The following CACNA2D2 variants were observed in gnomAD, a reference collection of about 807,000 sequenced individuals.
CACNA2D2 encodes the protein voltage-dependent calcium channel subunit alpha-2/delta-2.
In CACNA2D2, 48 loss-of-function variants were observed where a neutral mutation model predicts 166.4. The ratio of observed to expected loss-of-function variants is 0.29; its 90% CI spans 0.23 to 0.37. CACNA2D2 has a LOEUF of 0.37. Among genes scored for constraint, CACNA2D2 ranks in the 10% least tolerant of loss-of-function variants. The pLI is 1.00. For missense variants in CACNA2D2, 1,122 were observed against 1,433.0 expected (o/e 0.78, Z 3.50); for synonymous variants, 561 against 573.7 (o/e 0.98, Z 0.32).
In CACNA2D2 at chr3:50,365,663, C is replaced by T. The variant is rs1704219538; in HGVS notation, c.2941G>A (p.Gly981Ser). ...TGGAACCAGCTGTGGTAGATGAGGC[C>T]GTAGAGAAGCTGCTGGAACAGGGAC... ...AWSLFQQLLYGLIYHSWFQAD... is the reference protein window; with the variant it reads ...AWSLFQQLLYSLIYHSWFQAD... Residue 981 changes from glycine (G) to serine (S), a missense_variant, in exon 34 of 38, where the codon GGC becomes AGC. Transcript: ENST00000424201. The surrounding 1 kb of genome is among the most constrained non-coding windows in gnomAD (Gnocchi z 4.5). 1 of 1,583,256 alleles carries T rather than the reference C, an allele frequency of 6.3e-7. No homozygotes were observed. The highest frequency in any genetic ancestry group is 1.9e-5 in the Admixed American group (1 of 53,962).
intron 16 of CACNA2D2, 65 bp downstream of exon 16, chr3:50,377,667 C>A: frequency 6.4e-7 from 1 of 1,571,578 alleles, no homozygotes; most frequent in Non-Finnish European, 8.7e-7. Flanking sequence ...CACCCTCAGA[C>A]CTGCTGTGGG....
At chr3:50,475,171 C>T (rs746905745) in intron 2 of CACNA2D2, among the ~76,000 whole-genome samples, 1 of 152,140 alleles carries the variant, frequency 6.6e-6, no homozygotes, top group Non-Finnish European at 1.5e-5. Flanking sequence ...AGGACAACCC[C>T]TACGGTCCCT....
chr3:50,437,017 C>T (rs1456514753), intron 2 of CACNA2D2, among the ~76,000 whole-genome samples: 1 of 152,232 alleles, frequency 6.6e-6, no homozygotes, highest in Non-Finnish European at 1.5e-5. Context: ...TCCCAAGCAC[C>T]ATGTCTGTGT....
Position 50,436,684 on chromosome 3 carries a change from C to T in CACNA2D2, c.289-2255G>A, listed in dbSNP as rs146035953. On this transcript the variant is annotated intron_variant, in intron 2 of 37. Transcript: ENST00000424201. The stretch of plus-strand genomic sequence containing the variant: ...CCTTGAGCAGCCTGTGCTGTTGTTA[C>T]GGCTATTAGTTTGGGATCACCAGAA... Among the ~76,000 whole-genome samples, 503 of 152,352 alleles carry T rather than the reference C, an allele frequency of 3.3e-3. 2 individuals carry two copies. Among genetic ancestry groups the T allele is most frequent in the African/African-American group, 0.012 (487 of 41,578 alleles).
Position 50,375,027 on chromosome 3 carries a change from G to A in CACNA2D2, c.1908-214C>T, listed in dbSNP as rs755285266. On this transcript the variant is annotated intron_variant, in intron 21 of 37. Transcript: ENST00000424201. This position sits in a 1 kb window ranked among gnomAD's most constrained non-coding sequence, Gnocchi z 4.0. ...TTCTCAAACTCTCCTGGGGGCCACCGGGCAACCAGCCCCAAAGCAAATCCC... is the reference window on the plus strand; with the variant it reads ...TTCTCAAACTCTCCTGGGGGCCACCAGGCAACCAGCCCCAAAGCAAATCCC... 4.6e-5 allele frequency among the ~76,000 whole-genome samples: 7 copies of A among 152,082 alleles called. No homozygotes were observed. The highest frequency in any genetic ancestry group is 8.8e-5 in the Non-Finnish European group (6 of 68,008).
chr3:50,496,348 C>A (rs1698724080), intron 1 of CACNA2D2, among the ~76,000 whole-genome samples: 1 of 152,274 alleles, frequency 6.6e-6, no homozygotes, highest in Admixed American at 6.5e-5. Flanking sequence ...CACACGCACA[C>A]AAGTGGGTAT....
At position 50,503,254 on chromosome 3, in the gene CACNA2D2, G is replaced by C. The variant is rs1433012593; in HGVS notation, c.170C>G (p.Pro57Arg). 3 of 1,194,068 alleles carry C rather than the reference G, an allele frequency of 2.5e-6. No individual in the cohort carries two copies. The highest frequency in any genetic ancestry group is 3.1e-6 in the Non-Finnish European group (3 of 962,636). The allele number at this position is 1,194,068 out of a possible 1,614,324, so 74.0% of individuals were successfully genotyped here. A position where few individuals can be genotyped will look rare whatever the true frequency, so the allele number is the denominator to read the frequency against. Residue 57 changes from proline (P) to arginine (R), a missense_variant, in exon 1 of 38, where the codon CCC (proline) becomes CGC (arginine). Physicochemically the swap from Pro to Arg is moderately radical, Grantham distance 103. This residue lies in a region of CACNA2D2 where 840 missense variants were observed against 1,166.8 expected (regional missense o/e 0.72). Coordinates refer to ENST00000424201, the MANE Select transcript of CACNA2D2 (RefSeq NM_006030.4). ...GGGGAAGCTGTAGGCAGAGGCGCCG[G>C]GGGCGGCGAGCAGCGGTAGAAGCGG... is the stretch of plus-strand genomic sequence containing the variant. ...LLPLLPLLAA[P>R]GASAYSFPQQ...
chr3:50,368,525 T>G (rs1210035203), intron 23 of CACNA2D2, among the ~76,000 whole-genome samples: 2 of 152,158 alleles, frequency 1.3e-5, no homozygotes, highest in Admixed American at 6.5e-5. Context: ...TGGACCCAGA[T>G]AGTGCACCTG....
intron 3 of CACNA2D2, among the ~76,000 whole-genome samples, chr3:50,399,193 T>C (rs1411291789): frequency 1.3e-5 from 2 of 152,198 alleles, no homozygotes; most frequent in African/African-American, 2.4e-5. Flanking sequence ...CACTTCTCCT[T>C]GGCCTCCTCT....
chr3:50,458,461 G>T (rs901679383), intron 2 of CACNA2D2, among the ~76,000 whole-genome samples: 3 of 152,180 alleles, frequency 2.0e-5, no homozygotes. Context: ...TCATGTGGAG[G>T]GTCAGGTGTA....
chr3:50,422,796 C>T (rs1276891620), intron 3 of CACNA2D2, among the ~76,000 whole-genome samples: 1 of 152,216 alleles, frequency 6.6e-6, no homozygotes, highest in Non-Finnish European at 1.5e-5. Context: ...CATCCAGTTG[C>T]CTGATCCATG....
Position 50,368,249 on chromosome 3 carries a change from G to A in CACNA2D2, c.2046-14C>T. On this transcript the variant is annotated splice_polypyrimidine_tract_variant and intron_variant, in intron 23 of 37. Transcript: ENST00000424201. ...TTGCAGTACTCTCTAGGGATGGGGA[G>A]GGGCAAGAAGAGTGGGCTTGGGGGG... The A allele has an allele frequency of 6.5e-7, 1 of 1,550,358 alleles. No individual in the cohort carries two copies. The highest frequency in any genetic ancestry group is 8.9e-7 in the Non-Finnish European group (1 of 1,121,986).
chr3:50,379,738 A>C lies in CACNA2D2; in HGVS notation c.980T>G (p.Val327Gly). ...MLDTLSDDDY[V>G]NVASFNEKAQ... is the part of the protein sequence containing the mutation. ...CTTGGCACTCACCGAGGCCACATTC[A>C]CATAGTCATCATCAGACAGCGTGTC... Residue 327 changes from valine to glycine, a missense_variant, in exon 10 of 38, where the codon GTG (valine) becomes GGG (glycine). Val to Gly is a moderately radical substitution (Grantham distance 109). Around this residue, in one of 2 missense-constraint regions of CACNA2D2, gnomAD observed 840 missense variants for 1,166.8 expected, o/e 0.72. Transcript: ENST00000424201. This position sits in a 1 kb window ranked among gnomAD's most constrained non-coding sequence, Gnocchi z 6.5. 1 of 1,613,874 alleles carries C rather than the reference A, an allele frequency of 6.2e-7. No individual in the cohort carries two copies. The highest frequency in any genetic ancestry group is 8.5e-7 in the Non-Finnish European group (1 of 1,180,028).
chr3:50,365,943 AG>A lies in CACNA2D2; in HGVS notation c.2862+67del. The A allele has an allele frequency of 6.2e-7, 1 of 1,611,198 alleles. No individual in the cohort carries two copies. Among genetic ancestry groups the A allele is most frequent in the Non-Finnish European group, 8.5e-7 (1 of 1,178,628 alleles). ...CCCAGCTTTATCAAATGTCAGAGGT[AG>A]GGGGTCATCTGTGGGCAGGTCTCCC... is the stretch of plus-strand genomic sequence containing the variant. On this transcript the variant is annotated intron_variant, in intron 32 of 37. Coordinates refer to ENST00000424201, the MANE Select transcript of CACNA2D2 (RefSeq NM_006030.4). The surrounding 1 kb of genome is among the most constrained non-coding windows in gnomAD (Gnocchi z 4.5).
chr3:50,376,849 C>T lies in CACNA2D2; in HGVS notation c.1626+618G>A, dbSNP rs903950040. ...AAGATGCAGACTCCCTGACCGCAGG[C>T]GCTGGGCCAGCCACAATGCCATCTT... is the stretch of plus-strand genomic sequence containing the variant. On this transcript the variant is annotated intron_variant, in intron 17 of 37. Coordinates refer to ENST00000424201, the MANE Select transcript of CACNA2D2 (RefSeq NM_006030.4). The surrounding 1 kb of genome is among the most constrained non-coding windows in gnomAD (Gnocchi z 4.3). Among the ~76,000 whole-genome samples, 4 of 152,220 alleles carry T rather than the reference C, an allele frequency of 2.6e-5. No individual in the cohort carries two copies. The highest frequency in any genetic ancestry group is 7.2e-5 in the African/African-American group (3 of 41,462).
chr3:50,397,908 GC>G (rs1706239303), intron 3 of CACNA2D2, among the ~76,000 whole-genome samples: 2 of 152,202 alleles, frequency 1.3e-5, no homozygotes, highest in Non-Finnish European at 2.9e-5. Context: ...CCTGGCCCAG[GC>G]TGAGCACCCA....
chr3:50,365,865 G>C lies in CACNA2D2; in HGVS notation c.2863-3C>G, dbSNP rs1324715485. The C allele has an allele frequency of 6.2e-7, 1 of 1,613,030 alleles. No individual in the cohort carries two copies. Among genetic ancestry groups the C allele is most frequent in the Non-Finnish European group, 8.5e-7 (1 of 1,180,012 alleles). The stretch of plus-strand genomic sequence containing the variant: ...TTAAGGAAATCTGCAACGGTGGGCT[G>C]CAGTGGAGAGAGGGGCGTGGACTGC... On this transcript the variant is annotated splice_polypyrimidine_tract_variant and splice_region_variant and intron_variant, in intron 32 of 37. Transcript: ENST00000424201. The surrounding 1 kb of genome is among the most constrained non-coding windows in gnomAD (Gnocchi z 4.5).
At chr3:50,389,292 T>C (rs1178782119) in intron 4 of CACNA2D2, among the ~76,000 whole-genome samples, 1 of 152,264 alleles carries the variant, frequency 6.6e-6, no homozygotes, top group Non-Finnish European at 1.5e-5. Flanking sequence ...AGATCATTCC[T>C]GAACACACAA....
intron 3 of CACNA2D2, among the ~76,000 whole-genome samples, chr3:50,426,579 T>G (rs1164944000): frequency 6.6e-6 from 1 of 152,156 alleles, no homozygotes; most frequent in Non-Finnish European, 1.5e-5. Flanking sequence ...GTACAGGTGG[T>G]GGGGCTGACC....
Sources: allele counts gnomAD v4.1 joint callset (sites outside exome capture counted in the v4.1 genomes callset), GRCh38; gene constraint gnomAD v4.1.1; regional missense constraint gnomAD v4.1.1; non-coding constraint Gnocchi (gnomAD v3.1); transcripts MANE v1.5; gene names NCBI Gene and HGNC (gene_info 2026-07-23, HGNC 2026-07-21).